Variants in TMC5 observed in about 807,000 individuals in gnomAD.
TMC5 encodes the protein transmembrane channel like 5.
In TMC5, 86 loss-of-function variants were observed where a neutral mutation model predicts 110.5. The ratio of observed to expected loss-of-function variants is 0.78; its 90% CI spans 0.65 to 0.93. The LOEUF (loss-of-function observed/expected upper bound fraction) is 0.93, where lower values mean the gene tolerates loss of function less well. TMC5 is among the 40% of genes least tolerant of loss of function. The probability of loss-of-function intolerance (pLI) is 0.00; values close to 1 mark genes in which losing one functional copy is unlikely to be tolerated. For synonymous variants in TMC5, 455 were observed against 439.5 expected, an observed-to-expected ratio of 1.04 and a Z score of -0.44; for missense variants, 1,144 against 1,222.8, an observed-to-expected ratio of 0.94 and a Z score of 0.96.
intron 9 of TMC5, 148 bp from the exon 10 acceptor site, chr16:19,469,533 G>T: frequency 1.1e-6 from 1 of 929,704 alleles, no homozygotes; most frequent in Non-Finnish European, 1.6e-6. Flanking sequence ...CCACTGTGTG[G>T]TGACCACACC....
intron 1 of TMC5, among the ~76,000 whole-genome samples, chr16:19,420,997 C>T (rs1966970713): frequency 6.8e-6 from 1 of 146,028 alleles, no homozygotes; most frequent in African/African-American, 2.5e-5. Flanking sequence ...TGGAGATCTC[C>T]AAGAAAATGG....
At chr16:19,434,097 AAT>A (rs1392928417) in intron 2 of TMC5, among the ~76,000 whole-genome samples, 2 of 22,924 alleles carry the variant, frequency 8.7e-5, no homozygotes, top group Admixed American at 5.5e-4. Flanking sequence ...ATATATCTAT[AAT>A]ATATATATTA....
rs1160311142 is a variant in TMC5, at chr16:19,470,039, C to T, written c.1782+214C>T. 2.0e-5 allele frequency among the ~76,000 whole-genome samples: 3 copies of T among 151,554 alleles called. No homozygotes were observed. Among genetic ancestry groups the T allele is most frequent in the East Asian group, 1.9e-4 (1 of 5,166 alleles). On this transcript the variant is annotated intron_variant, in intron 10 of 21. Coordinates refer to ENST00000542583, the MANE Select transcript of TMC5 (RefSeq NM_001261841.2). ...CCTCCCGAGTAGCTGGGACTACAGG[C>T]GCCTGCCACCATGCCCGGCTAATTT...
rs756616637 is a variant in TMC5 at position 19,469,845 on chromosome 16, C to T, written c.1782+20C>T. 2.4e-5 allele frequency: 38 copies of T among 1,613,018 alleles called. No individual in the cohort carries two copies. The South Asian group carries it at 4.1e-4, about 17-fold the overall frequency. ...ATAAGGGTAAGGCGAGCTCACTTTA[C>T]TCATTTGCCATCGGCTGGTCTCCTT... On this transcript the variant is annotated intron_variant, in intron 10 of 21. Transcript: ENST00000542583.
chr16:19,439,895 C>T (rs1967440200), intron 2 of TMC5, 65 bp from the exon 3 acceptor site: 10 of 666,492 alleles, frequency 1.5e-5, no homozygotes, highest in Non-Finnish European at 2.3e-5. Flanking sequence ...TGGAAGATAA[C>T]CAGCAATCTC....
intron 1 of TMC5, among the ~76,000 whole-genome samples, chr16:19,412,582 G>A (rs188256859): frequency 2.6e-5 from 4 of 151,374 alleles, no homozygotes; most frequent in East Asian, 2.0e-4. Context: ...TGGCCAGGCT[G>A]GTCTTGAACT....
intron 15 of TMC5, among the ~76,000 whole-genome samples, chr16:19,485,398 A>G (rs1003881019): frequency 6.6e-6 from 1 of 152,144 alleles, no homozygotes; most frequent in African/African-American, 2.4e-5. Context: ...AACATCGGCA[A>G]TCTTCCTGGG....
At chr16:19,419,876 C>T (rs1051665470) in intron 1 of TMC5, among the ~76,000 whole-genome samples, 8 of 152,088 alleles carry the variant, frequency 5.3e-5, no homozygotes, top group African/African-American at 1.9e-4. Flanking sequence ...CAGGAGGTGA[C>T]GCTATTATTG....
intron 21 of TMC5, 32 bp downstream of exon 21, chr16:19,497,195 C>A (rs1369776664): frequency 1.9e-6 from 3 of 1,597,194 alleles, no homozygotes; most frequent in Admixed American, 3.4e-5. Context: ...GAATAAGACA[C>A]TAATTTATTT....
At chr16:19,470,119 C>G (rs1203760730) in intron 10 of TMC5, among the ~76,000 whole-genome samples, 1 of 151,800 alleles carries the variant, frequency 6.6e-6, no homozygotes, top group Non-Finnish European at 1.5e-5. Context: ...TGGTCTCAAT[C>G]TCCTGACCTC....
At chr16:19,479,392 C>A in intron 13 of TMC5, 39 bp from the exon 14 acceptor site, 1 of 1,466,558 alleles carries the variant, frequency 6.8e-7, no homozygotes, top group Non-Finnish European at 9.6e-7. Context: ...GCTGAGGCCA[C>A]AGCCCCTTCC....
intron 14 of TMC5, among the ~76,000 whole-genome samples, chr16:19,480,072 GTGTCTTTA>G (rs1968581009): frequency 6.6e-6 from 1 of 152,134 alleles, no homozygotes; most frequent in South Asian, 2.1e-4. Flanking sequence ...TGCTCTGTGT[GTGTCTTTA>G]CTATATAATG....
In TMC5 at chr16:19,444,212, A is replaced by G. The variant is rs1212330859; in HGVS notation, c.920A>G (p.Tyr307Cys). The change falls in exon 4 of 22, where the codon TAT (tyrosine) becomes TGT (cysteine). Residue 307 changes from tyrosine to cysteine, a missense_variant. Physicochemically the swap from Tyr to Cys is radical, Grantham distance 194 (BLOSUM62 -2). Transcript: ENST00000542583. Reference sequence around the variant, plus strand: ...GCATCCATGGAGATGGCAAACTCATATGGCCACTCTCTGCCAGGTGCTCCT... The same window carrying G: ...GCATCCATGGAGATGGCAAACTCATGTGGCCACTCTCTGCCAGGTGCTCCT... ...EMASMEMANS[Y>C]GHSLPGAPGS... 2 of 1,614,014 alleles carry G rather than the reference A, an allele frequency of 1.2e-6. No homozygotes were observed. The highest frequency in any genetic ancestry group is 1.1e-5 in the South Asian group (1 of 91,062).
At chr16:19,472,321 C>T in intron 11 of TMC5, 78 bp downstream of exon 11, 2 of 1,535,630 alleles carry the variant, frequency 1.3e-6, no homozygotes, top group Non-Finnish European at 1.8e-6. Flanking sequence ...GGTGTGCAGC[C>T]TACGGTTCAA....
Position 19,498,057 on chromosome 16 carries a change from G to A in TMC5, c.*91G>A, listed in dbSNP as rs144494178. 258 of 1,293,786 alleles carry A rather than the reference G, an allele frequency of 2.0e-4. No individual in the cohort carries two copies. In the African/African-American group the frequency reaches 3.4e-3, roughly 17 times the overall value. 80.1% of individuals were successfully genotyped at this position (1,293,786 alleles called of 1,614,324 possible). ...CATGCCACCTGTGCCTTTAGGAACT[G>A]CCCAGAAGAAAATCCAAGGCTTTAG... On this transcript the variant is annotated 3_prime_UTR_variant, in exon 22 of 22. Coordinates refer to ENST00000542583, the MANE Select transcript of TMC5 (RefSeq NM_001261841.2).
At chr16:19,415,997 G>A (rs539207075), upstream of TMC5, among the ~76,000 whole-genome samples, 10 of 152,212 alleles carry the variant, frequency 6.6e-5, no homozygotes, top group East Asian at 1.4e-3. Context: ...CCTGGGCAAC[G>A]TAGAGAGACC....
chr16:19,436,749 GATGTCATCAACATCTGACA>G (rs1445719068), intron 2 of TMC5, among the ~76,000 whole-genome samples: 2 of 152,242 alleles, frequency 1.3e-5, no homozygotes, highest in Admixed American at 6.5e-5. Context: ...GTGTTTAAAT[GATGTCATCAACATCTGACA>G]ATGTCATCAA....
chr16:19,494,743 G>A (rs1969007227), intron 20 of TMC5, among the ~76,000 whole-genome samples: 1 of 152,068 alleles, frequency 6.6e-6, no homozygotes, highest in African/African-American at 2.4e-5. Flanking sequence ...GGAGGTGGAG[G>A]TTGCGGTGAG....
At position 19,498,160 on chromosome 16, in the gene TMC5, C is replaced by A; in HGVS notation, c.*194C>A. 2 of 577,636 alleles carry A rather than the reference C, an allele frequency of 3.5e-6. No individual in the cohort carries two copies. The highest frequency in any genetic ancestry group is 6.2e-6 in the Non-Finnish European group (2 of 325,010). 35.8% of individuals were successfully genotyped at this position (577,636 alleles called of 1,614,324 possible). ...CATGCTATTTTTAATACCTGGATTG[C>A]TGATTTTTCAAGACAAAATACTTGG... On this transcript the variant is annotated 3_prime_UTR_variant, in exon 22 of 22. Transcript: ENST00000542583.
Sources: gnomAD v4.1 joint callset for allele counts (sites outside exome capture counted in the v4.1 genomes callset) on GRCh38, gnomAD v4.1.1 for gene constraint, MANE v1.5 for transcripts, NCBI Gene and HGNC (gene_info 2026-07-23, HGNC 2026-07-21) for gene names.